Variants in TNNI3K observed in about 807,000 individuals in gnomAD.
The protein encoded by TNNI3K is TNNI3 interacting kinase.
Under a neutral mutation model 114.5 loss-of-function variants are expected in TNNI3K, and 140 were observed. The observed-to-expected ratio is 1.22, with a 90% CI of 1.07 to 1.41. TNNI3K has a LOEUF of 1.41. Ranked by LOEUF, TNNI3K falls within the 40% of genes most tolerant of loss-of-function variation. The pLI, the probability that TNNI3K is intolerant of heterozygous loss-of-function variation, is 0.00. For missense variants in TNNI3K, 1,125 were observed against 1,007.6 expected, an observed-to-expected ratio of 1.12 and a Z score of -1.58; for synonymous variants, 347 against 347.5, an observed-to-expected ratio of 1.00 and a Z score of 0.02.
chr1:74,249,675 C>A, intron 3 of TNNI3K, 131 bp downstream of exon 3: 1 of 753,252 alleles, frequency 1.3e-6, no homozygotes, highest in Non-Finnish European at 2.0e-6. Flanking sequence ...CTTTTCCAAC[C>A]TTGATAATCT....
At position 74,489,434 on chromosome 1, in the gene TNNI3K, A is replaced by G. The variant is rs373810433; in HGVS notation, c.2181+186A>G. 1.3e-4 allele frequency among the ~76,000 whole-genome samples: 20 copies of G among 152,342 alleles called. No homozygotes were observed. In the South Asian group the frequency reaches 3.7e-3, roughly 28 times the overall value. On this transcript the variant is annotated intron_variant, in intron 22 of 24. Coordinates refer to ENST00000326637, the MANE Select transcript of TNNI3K (RefSeq NM_015978.3). ...TAGCTGTATCTACAGGGACAAAGGC[A>G]AAGTCAGAGTGAATTCGAGACCTTC...
intron 4 of TNNI3K, among the ~76,000 whole-genome samples, chr1:74,257,888 C>A (rs538307791): frequency 5.6e-4 from 85 of 152,032 alleles, no homozygotes; most frequent in Admixed American, 1.2e-3. Flanking sequence ...AGGATGGTCT[C>A]GATCTCCTGA....
intron 17 of TNNI3K, among the ~76,000 whole-genome samples, chr1:74,420,086 C>T (rs547864266): frequency 1.6e-3 from 243 of 151,916 alleles, no homozygotes; most frequent in African/African-American, 5.7e-3. Flanking sequence ...ACTTTGATTC[C>T]TTAGTATATA....
chr1:74,406,405 C>T (rs1359422451), intron 17 of TNNI3K, among the ~76,000 whole-genome samples: 8 of 152,108 alleles, frequency 5.3e-5, no homozygotes. Context: ...TCCAGTGTGG[C>T]CCAGGGAAGC....
chr1:74,464,055 G>C (rs1391205618), intron 21 of TNNI3K, among the ~76,000 whole-genome samples: 1 of 152,216 alleles, frequency 6.6e-6, no homozygotes, highest in Non-Finnish European at 1.5e-5. Flanking sequence ...TTCAAATGGA[G>C]TGATCAATGT....
intron 7 of TNNI3K, among the ~76,000 whole-genome samples, chr1:74,340,775 T>G (rs998153166): frequency 1.3e-5 from 2 of 152,162 alleles, no homozygotes; most frequent in Non-Finnish European, 2.9e-5. Context: ...GACCCCTAAC[T>G]GTTCTCAAGC....
chr1:74,370,011 T>C (rs1034542181), intron 16 of TNNI3K: 5 of 245,750 alleles, frequency 2.0e-5, no homozygotes, highest in Non-Finnish European at 7.6e-6. Flanking sequence ...ATAGATTTCA[T>C]TTTACAATAT....
At chr1:74,354,502 G>A (rs45582436) in intron 11 of TNNI3K, among the ~76,000 whole-genome samples, 10 of 152,090 alleles carry the variant, frequency 6.6e-5, no homozygotes, top group South Asian at 4.2e-4. Context: ...AAGTACAAGG[G>A]GGGGGGAAAG....
rs533680566 is a variant in TNNI3K, at chr1:74,298,963, G to A, written c.444+27255G>A. ...ATTTAAACTTGTTTTTGGAATATAG[G>A]AAACACGGTGAAAGGAAACTGACAG... is the stretch of plus-strand genomic sequence containing the variant. On this transcript the variant is annotated intron_variant, in intron 5 of 24. Transcript: ENST00000326637. 1.7e-4 allele frequency among the ~76,000 whole-genome samples: 26 copies of A among 152,164 alleles called. 1 individual carries two copies. The South Asian group carries it at 5.2e-3, about 30-fold the overall frequency.
intron 23 of TNNI3K, among the ~76,000 whole-genome samples, chr1:74,501,141 A>T (rs984781201): frequency 2.6e-5 from 4 of 151,750 alleles, no homozygotes; most frequent in African/African-American, 9.7e-5. Context: ...ACATTTCTCA[A>T]TCTCTTTTTA....
At chr1:74,510,679 G>C (rs114208944) in intron 23 of TNNI3K, among the ~76,000 whole-genome samples, 1 of 152,240 alleles carries the variant, frequency 6.6e-6, no homozygotes, top group African/African-American at 2.4e-5. Context: ...TTCTCTTTGG[G>C]AAAGACATAT....
chr1:74,376,498 A>G (rs193200458), intron 17 of TNNI3K: 2 of 152,142 alleles, frequency 1.3e-5, no homozygotes, highest in East Asian at 3.9e-4. Context: ...ATATTACCAT[A>G]CTTATAAAAG....
intron 17 of TNNI3K, among the ~76,000 whole-genome samples, chr1:74,424,000 T>C (rs1241246471): frequency 6.6e-6 from 1 of 152,138 alleles, no homozygotes; most frequent in African/African-American, 2.4e-5. Context: ...TCTTAGATTA[T>C]TGATTTGTCA....
At chr1:74,472,160 C>G in intron 21 of TNNI3K, 1 of 716,978 alleles carries the variant, frequency 1.4e-6, no homozygotes, top group East Asian at 2.7e-5. Context: ...AAGGCTGAAG[C>G]GGGTGTTGCA....
chr1:74,410,369 A>G (rs1335890365), intron 17 of TNNI3K, among the ~76,000 whole-genome samples: 2 of 152,186 alleles, frequency 1.3e-5, no homozygotes, highest in African/African-American at 4.8e-5. Flanking sequence ...CTGAGATTAG[A>G]ACTAACATTT....
intron 4 of TNNI3K, among the ~76,000 whole-genome samples, chr1:74,267,674 G>A (rs529454689): frequency 6.6e-6 from 1 of 151,950 alleles, no homozygotes; most frequent in South Asian, 2.1e-4. Flanking sequence ...ATTATCTTTA[G>A]CATAGCTGCA....
chr1:74,501,831 T>TA (rs1207607223), intron 23 of TNNI3K, among the ~76,000 whole-genome samples: 5 of 152,114 alleles, frequency 3.3e-5, no homozygotes, highest in Admixed American at 3.3e-4. Flanking sequence ...AATTCTGCTT[T>TA]AAACTAGCTT....
chr1:74,295,066 A>G (rs1242553499), intron 5 of TNNI3K, among the ~76,000 whole-genome samples: 1 of 152,034 alleles, frequency 6.6e-6, no homozygotes, highest in Non-Finnish European at 1.5e-5. Context: ...GAATTTTTAT[A>G]TATTTACACA....
chr1:74,271,655 G>A lies in TNNI3K; in HGVS notation c.391G>A (p.Gly131Arg), dbSNP rs1656357531. The change falls in exon 5 of 25, where the codon GGA becomes AGA. Residue 131 changes from glycine to arginine, a missense_variant. Physicochemically the swap from Gly to Arg is moderately radical, Grantham distance 125. Coordinates refer to ENST00000326637, the MANE Select transcript of TNNI3K (RefSeq NM_015978.3). ...LHSGADIQQVGYGGLTALHIA... is the reference protein window; with the variant it reads ...LHSGADIQQVRYGGLTALHIA... ...CAGTGGAGCTGATATACAGCAGGTTGGATACGGTGGCCTCACTGCCCTCCA... is the reference window on the plus strand; with the variant it reads ...CAGTGGAGCTGATATACAGCAGGTTAGATACGGTGGCCTCACTGCCCTCCA... 10 of 1,609,642 alleles carry A rather than the reference G, an allele frequency of 6.2e-6. No homozygotes were observed. Among genetic ancestry groups the A allele is most frequent in the Non-Finnish European group, 8.5e-6 (10 of 1,177,384 alleles).
Sources: allele counts gnomAD v4.1 joint callset (sites outside exome capture counted in the v4.1 genomes callset), GRCh38; gene constraint gnomAD v4.1.1; transcripts MANE v1.5; gene names NCBI Gene and HGNC (gene_info 2026-07-23, HGNC 2026-07-21).